PLA1A: variants seen among roughly 807,000 people sequenced by gnomAD.
PLA1A encodes phospholipase A1 member A.
Under a neutral mutation model 49.4 loss-of-function variants are expected in PLA1A, and 47 were observed. That is an observed-to-expected ratio of 0.95 (90% CI 0.75 to 1.21). The LOEUF is 1.21. Ranked by LOEUF, PLA1A falls within the 50% of genes most tolerant of loss-of-function variation. The pLI is 0.00. For missense variants in PLA1A, 561 were observed against 563.9 expected, an observed-to-expected ratio of 0.99 and a Z score of 0.05; for synonymous variants, 224 against 207.9, an observed-to-expected ratio of 1.08 and a Z score of -0.67.
Position 119,625,441 on chromosome 3 carries a change from A to T in PLA1A, c.1121+209A>T, listed in dbSNP as rs538714755. ...GTGGGTCCAAGTATAGCAGATTCAG[A>T]TGAGAGTAGGCAGGGCAAGCAGGCA... On this transcript the variant is annotated intron_variant, in intron 9 of 10. Transcript: ENST00000273371. Among the ~76,000 whole-genome samples, 4 of 152,290 alleles carry T rather than the reference A, an allele frequency of 2.6e-5. No individual in the cohort carries two copies. The South Asian group carries it at 6.2e-4, about 24-fold the overall frequency.
At chr3:119,603,734 A>T (rs576105509) in intron 1 of PLA1A, among the ~76,000 whole-genome samples, 5 of 152,396 alleles carry the variant, frequency 3.3e-5, no homozygotes, top group African/African-American at 9.6e-5. Context: ...CAAGTGGCTC[A>T]GGGCTCCACC....
rs6764389 is a variant in PLA1A, at chr3:119,618,274, T to C, written c.922+88T>C. ...CCCCTCTTAATGTCCTGATGTCCTA[T>C]GGTCAAGAATTCTATCCAATTTGGG... On this transcript the variant is annotated intron_variant, in intron 7 of 10. Coordinates refer to ENST00000273371, the MANE Select transcript of PLA1A (RefSeq NM_015900.4). 4,045 of 1,117,248 alleles carry C rather than the reference T, an allele frequency of 3.6e-3. 117 individuals are homozygous for C. The African/African-American group carries it at 0.057, about 16-fold the overall frequency. 69.2% of individuals were successfully genotyped at this position (1,117,248 alleles called of 1,614,324 possible).
intron 1 of PLA1A, among the ~76,000 whole-genome samples, chr3:119,606,462 A>G (rs1191018560): frequency 6.6e-6 from 1 of 152,218 alleles, no homozygotes; most frequent in Non-Finnish European, 1.5e-5. Flanking sequence ...AGATTTCAAC[A>G]TATGAATTTT....
In PLA1A at chr3:119,628,743, C is replaced by T. The variant is rs2052580807; in HGVS notation, c.1164C>T (p.Ala388=). 1 of 1,613,994 alleles carries T rather than the reference C, an allele frequency of 6.2e-7. No individual in the cohort carries two copies. The change falls in exon 10 of 11, where the codon GCC becomes GCT. Residue 388 remains alanine, a synonymous_variant. Transcript: ENST00000273371. The part of the protein sequence containing the change: ...QRYGKGIIAH[A]TPQCQINQVK... ...ATGGGAAAGGAATCATAGCCCATGC[C>T]ACCCCACAATGCCAGATAAACCAAG...
In PLA1A at chr3:119,606,751, T is replaced by C. The variant is rs377051036; in HGVS notation, c.74-23T>C. ...AGATGACCTCACCTTGGATGTTGCT[T>C]GTTTTGTTTTGTTTTCCTCCAGGGG... On this transcript the variant is annotated intron_variant, in intron 1 of 10. Coordinates refer to ENST00000273371, the MANE Select transcript of PLA1A (RefSeq NM_015900.4). 562 of 1,585,026 alleles carry C rather than the reference T, an allele frequency of 3.5e-4. 2 individuals carry two copies. Among genetic ancestry groups the C allele is most frequent in the Admixed American group, 3.2e-4 (19 of 59,816 alleles).
intron 1 of PLA1A, among the ~76,000 whole-genome samples, chr3:119,603,034 T>C (rs1009080430): frequency 6.6e-6 from 1 of 152,182 alleles, no homozygotes; most frequent in Non-Finnish European, 1.5e-5. Flanking sequence ...TGAGTGATTG[T>C]AGCATAAGGC....
chr3:119,598,081 T>A, intron 1 of PLA1A, 95 bp downstream of exon 1: 1 of 733,890 alleles, frequency 1.4e-6, no homozygotes, highest in Non-Finnish European at 2.3e-6. Context: ...GAAGATCCCC[T>A]AAAAGCCTTT....
intron 8 of PLA1A, among the ~76,000 whole-genome samples, chr3:119,622,457 C>T (rs1403783502): frequency 6.6e-6 from 1 of 152,176 alleles, no homozygotes; most frequent in Non-Finnish European, 1.5e-5. Flanking sequence ...AAGATGTCCT[C>T]CTCTGTGGAG....
intron 1 of PLA1A, among the ~76,000 whole-genome samples, chr3:119,606,025 G>A (rs1302779495): frequency 6.6e-6 from 1 of 152,222 alleles, no homozygotes; most frequent in African/African-American, 2.4e-5. Flanking sequence ...TTCCAGGAGG[G>A]AGTGTTCAGA....
intron 9 of PLA1A, among the ~76,000 whole-genome samples, chr3:119,626,176 G>C (rs536273612): frequency 1.3e-5 from 2 of 152,302 alleles, no homozygotes; most frequent in South Asian, 4.1e-4. Context: ...GGGTCCACAG[G>C]GAAGGCTGCT....
chr3:119,611,995 A>C (rs1043537496), intron 4 of PLA1A, among the ~76,000 whole-genome samples: 1 of 152,178 alleles, frequency 6.6e-6, no homozygotes, highest in South Asian at 2.1e-4. Flanking sequence ...TACATGTAAA[A>C]GTGTGGAGGA....
intron 2 of PLA1A, chr3:119,607,191 T>G (rs2082700811): frequency 1.8e-6 from 1 of 566,540 alleles, no homozygotes; most frequent in African/African-American, 1.9e-5. Flanking sequence ...CACCCAGTCT[T>G]GTCTACACAC....
chr3:119,623,813 C>T (rs912138308), intron 8 of PLA1A, among the ~76,000 whole-genome samples: 1 of 150,746 alleles, frequency 6.6e-6, no homozygotes, highest in African/African-American at 2.4e-5. Context: ...CAACCTCTGC[C>T]TCCCGGGTTC....
At chr3:119,625,043 A>G in intron 8 of PLA1A, 81 bp from the exon 9 acceptor site, 1 of 821,686 alleles carries the variant, frequency 1.2e-6, no homozygotes. Flanking sequence ...AAGATTCCCA[A>G]CCACACTGCT....
In PLA1A at chr3:119,629,613, G is replaced by T; in HGVS notation, c.*145G>T. The stretch of plus-strand genomic sequence containing the variant: ...CTCTTTCTTATTTTCCTCATAATCA[G>T]CTACCCTGGAGGGGAGGGAGAACTC... On this transcript the variant is annotated 3_prime_UTR_variant, in exon 11 of 11. Coordinates refer to ENST00000273371, the MANE Select transcript of PLA1A (RefSeq NM_015900.4). 1.7e-6 allele frequency: 1 copy of T among 601,586 alleles called. No homozygotes were observed. The highest frequency in any genetic ancestry group is 3.0e-6 in the Non-Finnish European group (1 of 337,782). 37.3% of individuals were successfully genotyped at this position (601,586 alleles called of 1,614,324 possible).
Position 119,608,769 on chromosome 3 carries a change from G to A in PLA1A, c.276-1G>A. The A allele has an allele frequency of 6.2e-7, 1 of 1,612,206 alleles. No individual in the cohort carries two copies. The highest frequency in any genetic ancestry group is 8.5e-7 in the Non-Finnish European group (1 of 1,178,526). On this transcript the variant is annotated splice_acceptor_variant, in intron 2 of 10. Transcript: ENST00000273371. LOFTEE classifies it high-confidence loss of function. The stretch of plus-strand genomic sequence containing the variant: ...CCATTCTTTTTTGGCCCCCTGTCTA[G>A]GGTTTTAGGAACAAAGCCTTCCTGG...
chr3:119,628,904 C>T (rs1339844629), intron 10 of PLA1A, 39 bp downstream of exon 10: 3 of 1,536,782 alleles, frequency 2.0e-6, no homozygotes, highest in Non-Finnish European at 2.7e-6. Flanking sequence ...GATGCACTCA[C>T]ACATCAAAGA....
intron 5 of PLA1A, among the ~76,000 whole-genome samples, chr3:119,614,721 G>A (rs769107295): frequency 2.6e-5 from 4 of 151,340 alleles, no homozygotes; most frequent in African/African-American, 4.9e-5. Flanking sequence ...TTCAAAGTTG[G>A]AGCCTCTCCC....
At chr3:119,623,746 CAG>C (rs1220538178) in intron 8 of PLA1A, among the ~76,000 whole-genome samples, 1 of 110,520 alleles carries the variant, frequency 9.0e-6, no homozygotes, top group African/African-American at 3.8e-5. Context: ...TTTTTTGAGA[CAG>C]AGTTTCACTC....
Sources: gnomAD v4.1 joint callset for allele counts (sites outside exome capture counted in the v4.1 genomes callset) on GRCh38, gnomAD v4.1.1 for gene constraint, MANE v1.5 for transcripts, NCBI Gene and HGNC (gene_info 2026-07-23, HGNC 2026-07-21) for gene names.